The following GAK variants were observed in gnomAD, a reference collection of about 807,000 sequenced individuals.
GAK encodes the protein cyclin G associated kinase, also known as cyclin-G-associated kinase.
GAK carries 79 observed loss-of-function variants against 143.9 expected under a neutral mutation model. The ratio of observed to expected loss-of-function variants is 0.55; its 90% CI spans 0.46 to 0.66. The LOEUF (loss-of-function observed/expected upper bound fraction) is 0.66. Ranked by LOEUF, GAK falls within the 30% of genes least tolerant of loss-of-function variation. The probability of loss-of-function intolerance (pLI) is 0.00; values close to 1 mark genes in which losing one functional copy is unlikely to be tolerated. For synonymous variants in GAK, 881 were observed against 765.5 expected, an observed-to-expected ratio of 1.15 and a Z score of -2.49; for missense variants, 1,693 against 1,779.7, an observed-to-expected ratio of 0.95 and a Z score of 0.88.
At chr4:865,318 G>C (rs1577073006) in intron 22 of GAK, 74 bp from the exon 23 acceptor site, 2 of 1,591,494 alleles carry the variant, frequency 1.3e-6, no homozygotes, top group Non-Finnish European at 1.7e-6. Flanking sequence ...GCGCCAGGCT[G>C]TGCTCAGGGC....
In GAK at chr4:851,762, C is replaced by T. The variant is rs576067675; in HGVS notation, c.3496G>A (p.Ala1166Thr). 14 of 1,613,152 alleles carry T rather than the reference C, an allele frequency of 8.7e-6. No individual in the cohort carries two copies. The highest frequency in any genetic ancestry group is 5.3e-5 in the African/African-American group (4 of 75,054). ...GTGGGGGACTCACCAAAGCTGGGTGCGCGGACCCCCCGCTCCTCCCGCGCC... is the reference window on the plus strand; with the variant it reads ...GTGGGGGACTCACCAAAGCTGGGTGTGCGGACCCCCCGCTCCTCCCGCGCC... ...IGAREERGVRAPSFAQKPKVS... is the reference protein window; with the variant it reads ...IGAREERGVRTPSFAQKPKVS... Residue 1166 changes from alanine to threonine, a missense_variant, in exon 25 of 28, where the codon GCA becomes ACA. Ala to Thr is a moderately conservative substitution (Grantham distance 58, BLOSUM62 0). Transcript: ENST00000314167.
Position 893,855 on chromosome 4 carries a change from G to A in GAK, c.877+19C>T, listed in dbSNP as rs201865583. On this transcript the variant is annotated intron_variant, in intron 8 of 27. Coordinates refer to ENST00000314167, the MANE Select transcript of GAK (RefSeq NM_005255.4). The stretch of plus-strand genomic sequence containing the variant: ...TGCTCCAGGGTCCTGCCCCACGCAC[G>A]CATTCCACCGGGACTTACGGATGAG... 5.1e-6 allele frequency: 8 copies of A among 1,561,760 alleles called. No individual in the cohort carries two copies. Among genetic ancestry groups the A allele is most frequent in the East Asian group, 2.3e-5 (1 of 43,654 alleles).
At chr4:902,605 A>AAAACAAAAAAAC (rs1553889065) in intron 5 of GAK, among the ~76,000 whole-genome samples, 3 of 130,310 alleles carry the variant, frequency 2.3e-5, no homozygotes, top group South Asian at 2.4e-4. Context: ...TCAAAAAAAA[A>AAAACAAAAAAAC]AAAAAAAAAC....
intron 11 of GAK, chr4:887,234 ACTCACGTGTACACATGCACGCGGCTCACG>A (rs1716581172): frequency 2.4e-5 from 3 of 124,936 alleles, no homozygotes; most frequent in Non-Finnish European, 5.3e-5. Flanking sequence ...GCTCACGCGC[ACTCACGTGTACACATGCACGCGGCTCACG>A]CGCACTCACG....
intron 4 of GAK, among the ~76,000 whole-genome samples, chr4:905,245 T>C (rs1415074647): frequency 2.0e-5 from 3 of 152,202 alleles, no homozygotes; most frequent in Admixed American, 1.3e-4. Context: ...TACTTTTGTT[T>C]TCAATAAATT....
chr4:856,916 C>T (rs1230102583), intron 24 of GAK, among the ~76,000 whole-genome samples: 4 of 152,220 alleles, frequency 2.6e-5, no homozygotes, highest in East Asian at 1.9e-4. Context: ...AAGCTGACGA[C>T]GTTCTGCTCA....
At chr4:897,928 A>G in intron 6 of GAK, 105 bp downstream of exon 6, 1 of 1,314,582 alleles carries the variant, frequency 7.6e-7, no homozygotes, top group Admixed American at 2.5e-5. Flanking sequence ...CAGCCTGGTG[A>G]CAGAGCGAGA....
intron 19 of GAK, chr4:868,972 G>T (rs1386483310): frequency 1.1e-5 from 5 of 435,090 alleles, no homozygotes; most frequent in African/African-American, 4.0e-5. Flanking sequence ...CATATGCAGG[G>T]TACACATGAA....
At chr4:856,494 CCTA>C (rs1272262629) in intron 24 of GAK, among the ~76,000 whole-genome samples, 5 of 141,500 alleles carry the variant, frequency 3.5e-5, no homozygotes, top group Non-Finnish European at 7.8e-5. Flanking sequence ...GCTGCTCACA[CCTA>C]CTCACCACCA....
intron 18 of GAK, among the ~76,000 whole-genome samples, chr4:873,440 T>C (rs888977820): frequency 6.6e-6 from 1 of 152,076 alleles, no homozygotes; most frequent in Admixed American, 6.5e-5. Context: ...ACAGATGCCA[T>C]TTCTCCAAGT....
rs1560311184 is a variant in GAK, at chr4:868,525, G to A, written c.2395+14C>T. The A allele has an allele frequency of 6.3e-7, 1 of 1,599,752 alleles. No individual in the cohort carries two copies. The highest frequency in any genetic ancestry group is 8.5e-7 in the Non-Finnish European group (1 of 1,177,350). The stretch of plus-strand genomic sequence containing the variant: ...TGCCCTCTGCAAGTGGCCAGGTCCA[G>A]GGACGCTGCCTACCCTGCCAGTCCA... On this transcript the variant is annotated intron_variant, in intron 20 of 27. Coordinates refer to ENST00000314167, the MANE Select transcript of GAK (RefSeq NM_005255.4).
At position 880,350 on chromosome 4, in the gene GAK, G is replaced by C. The variant is rs567199039; in HGVS notation, c.1661+1557C>G. ...CCACTGGACCGTGCACTCTGCATGA[G>C]CGTCCTCAGCACATCAATTAGTTAC... is the stretch of plus-strand genomic sequence containing the variant. On this transcript the variant is annotated intron_variant, in intron 15 of 27. Coordinates refer to ENST00000314167, the MANE Select transcript of GAK (RefSeq NM_005255.4). 3.9e-5 allele frequency among the ~76,000 whole-genome samples: 6 copies of C among 152,398 alleles called. No homozygotes were observed. The East Asian group carries it at 1.2e-3, about 29-fold the overall frequency.
intron 23 of GAK, among the ~76,000 whole-genome samples, chr4:861,380 A>G (rs1485708276): frequency 6.6e-6 from 1 of 152,220 alleles, no homozygotes; most frequent in Admixed American, 6.5e-5. Flanking sequence ...GCTTGAGCCC[A>G]GGAGTTCAAG....
intron 11 of GAK, chr4:887,164 A>G (rs1009966526): frequency 7.3e-5 from 11 of 150,154 alleles, no homozygotes; most frequent in South Asian, 4.2e-4. Flanking sequence ...CACGCGGCTC[A>G]CGCGCACACA....
intron 14 of GAK, 33 bp from the exon 15 acceptor site, chr4:882,073 C>A: frequency 6.4e-7 from 1 of 1,568,236 alleles, no homozygotes; most frequent in Non-Finnish European, 8.7e-7. Flanking sequence ...GCGTGCGCCT[C>A]GCACTCATGC....
chr4:889,878 G>A (rs1383473164), intron 10 of GAK, among the ~76,000 whole-genome samples: 1 of 152,214 alleles, frequency 6.6e-6, no homozygotes, highest in Non-Finnish European at 1.5e-5. Context: ...CTCACCAGCT[G>A]AGGGCCCTCC....
chr4:894,724 TG>T (rs1718428999), intron 7 of GAK: 1 of 152,230 alleles, frequency 6.6e-6, no homozygotes, highest in African/African-American at 2.4e-5. Context: ...GGCTCACGCC[TG>T]TAATCCCAGC....
intron 1 of GAK, among the ~76,000 whole-genome samples, chr4:930,169 CTTAA>C (rs1483708399): frequency 2.0e-5 from 3 of 152,198 alleles, no homozygotes; most frequent in African/African-American, 4.8e-5. Flanking sequence ...TCAGACAAAA[CTTAA>C]TTAAGTATGT....
intron 18 of GAK, among the ~76,000 whole-genome samples, chr4:876,107 G>A (rs1713808281): frequency 6.6e-6 from 1 of 152,234 alleles, no homozygotes; most frequent in Non-Finnish European, 1.5e-5. Context: ...GCAGGGGTGG[G>A]GGCCATCCCG....
Sources: allele counts gnomAD v4.1 joint callset (sites outside exome capture counted in the v4.1 genomes callset), GRCh38; gene constraint gnomAD v4.1.1; transcripts MANE v1.5; gene names NCBI Gene and HGNC (gene_info 2026-07-23, HGNC 2026-07-21).